The following LMLN variants were observed in gnomAD, a reference collection of about 807,000 sequenced individuals.
The protein encoded by LMLN is leishmanolysin-like peptidase.
Under a neutral mutation model 92.3 loss-of-function variants are expected in LMLN, and 70 were observed. The observed-to-expected ratio is 0.76, with a 90% CI of 0.63 to 0.92. The LOEUF (loss-of-function observed/expected upper bound fraction) is 0.92. LMLN is among the 40% of genes least tolerant of loss of function. The pLI, the probability that LMLN is intolerant of heterozygous loss-of-function variation, is 0.00. For synonymous variants in LMLN, 308 were observed against 296.2 expected, an observed-to-expected ratio of 1.04 and a Z score of -0.41; for missense variants, 691 against 814.6, an observed-to-expected ratio of 0.85 and a Z score of 1.85.
chr3:198,002,869 G>C, intron 11 of LMLN, 146 bp from the exon 12 acceptor site: 1 of 541,202 alleles, frequency 1.8e-6, no homozygotes, highest in Admixed American at 3.5e-5. Flanking sequence ...AGAACGTTGT[G>C]AGTGATCACT....
At chr3:198,002,891 C>A (rs530136403) in intron 11 of LMLN, 124 bp from the exon 12 acceptor site, 2 of 597,752 alleles carry the variant, frequency 3.3e-6, no homozygotes, top group African/African-American at 3.7e-5. Flanking sequence ...ACAGTGATGG[C>A]CTCTGGCCTC....
intron 6 of LMLN, among the ~76,000 whole-genome samples, chr3:197,982,223 CTT>C (rs1241377836): frequency 8.6e-5 from 10 of 116,540 alleles, no homozygotes; most frequent in Admixed American, 1.9e-4. Flanking sequence ...CAGTTACCTT[CTT>C]TTTTTTTTTT....
intron 9 of LMLN, chr3:197,994,609 G>A (rs1214929647): frequency 1.3e-5 from 2 of 152,126 alleles, no homozygotes; most frequent in African/African-American, 4.8e-5. Context: ...AAGAGCTCTC[G>A]CTTTGGCAGC....
intron 14 of LMLN, among the ~76,000 whole-genome samples, chr3:198,035,613 A>G (rs904662589): frequency 1.3e-5 from 2 of 152,006 alleles, no homozygotes; most frequent in Admixed American, 6.6e-5. Flanking sequence ...TGCCCGCCTC[A>G]GCCTCCCAAA....
chr3:197,981,986 A>G (rs1312760134), intron 6 of LMLN, among the ~76,000 whole-genome samples: 3 of 151,856 alleles, frequency 2.0e-5, no homozygotes, highest in Non-Finnish European at 4.4e-5. Context: ...TGTATTTTTA[A>G]TAGAGACAGG....
intron 8 of LMLN, 148 bp downstream of exon 8, chr3:197,986,038 TAA>T (rs1721696957): frequency 1.7e-6 from 1 of 578,926 alleles, no homozygotes; most frequent in African/African-American, 1.9e-5. Context: ...AAATGGGATA[TAA>T]GAGGCCATTT....
In LMLN at chr3:198,035,821, T is replaced by G; in HGVS notation, c.1657-12T>G. 1 of 1,595,170 alleles carries G rather than the reference T, an allele frequency of 6.3e-7. No homozygotes were observed. Among genetic ancestry groups the G allele is most frequent in the Non-Finnish European group, 8.6e-7 (1 of 1,164,332 alleles). On this transcript the variant is annotated splice_polypyrimidine_tract_variant and intron_variant, in intron 14 of 15. Coordinates refer to ENST00000330198, the Ensembl canonical transcript of LMLN. ...TATTATTTTTATATATCTATTTTTT[T>G]CCTGTTTGAAGGTTTCTTGTTCTCC... is the stretch of plus-strand genomic sequence containing the variant.
At chr3:197,982,798 A>G (rs1721596532) in intron 6 of LMLN, among the ~76,000 whole-genome samples, 1 of 152,266 alleles carries the variant, frequency 6.6e-6, no homozygotes, top group Non-Finnish European at 1.5e-5. Flanking sequence ...TTGTAGATCA[A>G]TTGAACAAGG....
intron 5 of LMLN, 77 bp downstream of exon 5, chr3:197,976,792 G>T: frequency 1.5e-6 from 1 of 668,694 alleles, no homozygotes; most frequent in Non-Finnish European, 2.4e-6. Context: ...AATTTTTACA[G>T]ATTCAAGTTC....
intron 9 of LMLN, chr3:197,994,520 A>T (rs1721964127): frequency 2.0e-5 from 3 of 152,338 alleles, no homozygotes; most frequent in South Asian, 4.1e-4. Context: ...CAACATTACT[A>T]ATCCTTAGGG....
chr3:197,974,249 G>A, intron 1 of LMLN, 128 bp from the exon 2 acceptor site: 1 of 614,454 alleles, frequency 1.6e-6, no homozygotes. Context: ...CTGACACAGT[G>A]GAATATGGGT....
intron 13 of LMLN, among the ~76,000 whole-genome samples, chr3:198,024,268 T>G (rs1266176605): frequency 6.7e-6 from 1 of 148,964 alleles, no homozygotes; most frequent in East Asian, 2.0e-4. Context: ...CAGGCTGGAG[T>G]GCAGTGGTAC....
At chr3:197,991,256 AC>A in intron 9 of LMLN, among the ~76,000 whole-genome samples, 1 of 151,226 alleles carries the variant, frequency 6.6e-6, no homozygotes, top group East Asian at 1.9e-4. Flanking sequence ...GGCACGCACC[AC>A]CACGCCCAGC....
Position 197,982,737 on chromosome 3 carries a change from A to G in LMLN, c.729-1206A>G, listed in dbSNP as rs182213744. ...TTTCAAAGTATGATAAATACTTCAT[A>G]GAAAATAAATAGAATGTTGTAACAT... is the stretch of plus-strand genomic sequence containing the variant. On this transcript the variant is annotated intron_variant, in intron 6 of 15. Transcript: ENST00000330198. Among the ~76,000 whole-genome samples the G allele has an allele frequency of 5.2e-5, 8 of 152,394 alleles. No homozygotes were observed. The East Asian group carries it at 1.5e-3, about 29-fold the overall frequency.
chr3:198,037,128 C>T (rs1723255748), intron 15 of LMLN, among the ~76,000 whole-genome samples: 1 of 152,190 alleles, frequency 6.6e-6, no homozygotes, highest in South Asian at 2.1e-4. Context: ...CAGAAGGACT[C>T]ACAGGACTCA....
chr3:197,980,752 C>A (rs921972955), intron 6 of LMLN: 10 of 358,362 alleles, frequency 2.8e-5, no homozygotes, highest in Middle Eastern at 1.5e-3. Flanking sequence ...GACTTTTCTG[C>A]CTGCCGTTCC....
chr3:198,023,975 A>G (rs1722850971), intron 13 of LMLN, among the ~76,000 whole-genome samples: 1 of 152,224 alleles, frequency 6.6e-6, no homozygotes, highest in Non-Finnish European at 1.5e-5. Context: ...GCATTATATA[A>G]ATCACTTGGC....
At chr3:197,993,803 A>G (rs1442098022) in intron 9 of LMLN, among the ~76,000 whole-genome samples, 1 of 152,208 alleles carries the variant, frequency 6.6e-6, no homozygotes, top group East Asian at 1.9e-4. Flanking sequence ...TCATGAGCAA[A>G]AAGAACAAAG....
At chr3:197,974,984 A>G (rs1280577337) in intron 2 of LMLN, 58 bp from the exon 3 acceptor site, 1 of 1,140,144 alleles carries the variant, frequency 8.8e-7, no homozygotes, top group African/African-American at 1.6e-5. Flanking sequence ...TTATTTCTTG[A>G]TTACATGTGC....
Sources: gnomAD v4.1 joint callset for allele counts (sites outside exome capture counted in the v4.1 genomes callset) on GRCh38, gnomAD v4.1.1 for gene constraint, MANE v1.5 for transcripts, NCBI Gene and HGNC (gene_info 2026-07-23, HGNC 2026-07-21) for gene names.